Variants in ARHGAP24 observed in about 807,000 individuals in gnomAD.
The protein encoded by ARHGAP24 is rho GTPase-activating protein 24.
A neutral mutation model predicts 76.4 loss-of-function variants in ARHGAP24; 50 were observed. The ratio of observed to expected loss-of-function variants is 0.65; its 90% CI spans 0.52 to 0.83. The LOEUF (loss-of-function observed/expected upper bound fraction) is 0.83, where lower values mean the gene tolerates loss of function less well. Among genes scored for constraint, ARHGAP24 ranks in the 40% least tolerant of loss-of-function variants. The pLI is 0.00. For synonymous variants in ARHGAP24, 345 were observed against 323.3 expected (o/e 1.07, Z -0.72); for missense variants, 930 against 914.2 (o/e 1.02, Z -0.22).
intron 2 of ARHGAP24, among the ~76,000 whole-genome samples, chr4:85,634,804 T>C (rs1398682967): frequency 6.6e-6 from 1 of 151,872 alleles, no homozygotes; most frequent in Non-Finnish European, 1.5e-5. Context: ...TGCTTAGAAT[T>C]ATTGCCACCC....
chr4:85,967,039 T>A (rs2148847155), intron 5 of ARHGAP24, among the ~76,000 whole-genome samples: 1 of 152,246 alleles, frequency 6.6e-6, no homozygotes, highest in Non-Finnish European at 1.5e-5. Flanking sequence ...TGTGTAAGTA[T>A]GTTTATGAGG....
At chr4:85,969,206 A>G (rs1459983163) in intron 5 of ARHGAP24, among the ~76,000 whole-genome samples, 4 of 152,142 alleles carry the variant, frequency 2.6e-5, no homozygotes, top group Admixed American at 2.6e-4. Context: ...TCAATACCAT[A>G]GTTTATAAAA....
At chr4:85,890,999 A>G (rs1188782861) in intron 3 of ARHGAP24, among the ~76,000 whole-genome samples, 2 of 152,154 alleles carry the variant, frequency 1.3e-5, no homozygotes, top group African/African-American at 2.4e-5. Context: ...GATGGATGAT[A>G]TTAGAGACGG....
intron 8 of ARHGAP24, chr4:85,990,350 A>T (rs1265673108): frequency 6.6e-6 from 1 of 151,824 alleles, no homozygotes; most frequent in Non-Finnish European, 1.5e-5. Flanking sequence ...TAAGCTATTA[A>T]TTTTTCTAAA....
intron 2 of ARHGAP24, among the ~76,000 whole-genome samples, chr4:85,675,549 A>G (rs1292822455): frequency 6.6e-6 from 1 of 152,164 alleles, no homozygotes; most frequent in East Asian, 1.9e-4. Context: ...TTTATGGATA[A>G]CCTTCTAACA....
At chr4:85,650,901 G>A (rs7655020) in intron 2 of ARHGAP24, among the ~76,000 whole-genome samples, 53,332 of 148,944 alleles carry the variant, frequency 0.36, 12,030 homozygotes, top group East Asian at 0.84. Flanking sequence ...ATTGGGCATT[G>A]GCAATTAGCC....
intron 2 of ARHGAP24, among the ~76,000 whole-genome samples, chr4:85,651,365 A>G (rs1411381855): frequency 2.0e-5 from 3 of 149,310 alleles, no homozygotes; most frequent in Non-Finnish European, 4.4e-5. Context: ...AAATGTGAAT[A>G]GATTTATGAA....
chr4:85,999,794 G>A (rs2148875890), intron 9 of ARHGAP24: 1 of 152,276 alleles, frequency 6.6e-6, no homozygotes, highest in South Asian at 2.1e-4. Context: ...AATTTATAGA[G>A]ATATAAAATA....
chr4:85,534,954 C>G (rs969904179), intron 1 of ARHGAP24, among the ~76,000 whole-genome samples: 1 of 145,840 alleles, frequency 6.9e-6, no homozygotes, highest in African/African-American at 2.5e-5. Flanking sequence ...AGAAAGAAAA[C>G]AGAAACAAAA....
intron 5 of ARHGAP24, among the ~76,000 whole-genome samples, chr4:85,950,145 C>A (rs1441758358): frequency 6.6e-6 from 1 of 152,016 alleles, no homozygotes; most frequent in Non-Finnish European, 1.5e-5. Context: ...AGAAGAATAG[C>A]AAGTGCAAAG....
intron 3 of ARHGAP24, among the ~76,000 whole-genome samples, chr4:85,914,159 T>C (rs1003506797): frequency 2.0e-5 from 3 of 152,198 alleles, no homozygotes; most frequent in African/African-American, 7.2e-5. Flanking sequence ...AGATAAGTTA[T>C]ATGATCCATA....
At chr4:85,923,335 C>T (rs1213805617) in intron 3 of ARHGAP24, among the ~76,000 whole-genome samples, 2 of 152,154 alleles carry the variant, frequency 1.3e-5, no homozygotes, top group African/African-American at 4.8e-5. Context: ...TGCTGTTTCT[C>T]CCTATTCAGC....
chr4:85,575,350 C>T (rs1253648039), intron 2 of ARHGAP24, among the ~76,000 whole-genome samples: 3 of 152,158 alleles, frequency 2.0e-5, no homozygotes, highest in Non-Finnish European at 2.9e-5. Context: ...TCACAGGCCA[C>T]TACTATAAAC....
chr4:85,629,831 T>G (rs1415520661), intron 2 of ARHGAP24, among the ~76,000 whole-genome samples: 1 of 151,966 alleles, frequency 6.6e-6, no homozygotes, highest in Non-Finnish European at 1.5e-5. Context: ...TCTCTTTATA[T>G]TTAATCTATT....
In ARHGAP24 at chr4:85,995,197, A is replaced by T; in HGVS notation, c.1543A>T (p.Lys515Ter). ...TGGCTATGTGACCCTGAGGGATAAC[A>T]AGCAGAAAGAACAAGCTGGAGAGTT... The part of the protein sequence containing the change: ...PNGYVTLRDN[K>*]QKEQAGELGQ... The change falls in exon 9 of 10, where the codon AAG becomes TAG. Residue 515 changes from lysine to a stop codon, truncating the protein, a stop_gained. Transcript: ENST00000395184. LOFTEE classifies it high-confidence loss of function. 1 of 1,613,996 alleles carries T rather than the reference A, an allele frequency of 6.2e-7. No individual in the cohort carries two copies. The highest frequency in any genetic ancestry group is 8.5e-7 in the Non-Finnish European group (1 of 1,180,008).
At chr4:85,509,977 A>G (rs543221724) in intron 1 of ARHGAP24, among the ~76,000 whole-genome samples, 202 of 152,292 alleles carry the variant, frequency 1.3e-3, no homozygotes, top group African/African-American at 4.7e-3. Flanking sequence ...ATGCGCCTCC[A>G]TATGGATGCC....
At chr4:85,680,962 T>G (rs1723181621) in intron 2 of ARHGAP24, among the ~76,000 whole-genome samples, 1 of 151,986 alleles carries the variant, frequency 6.6e-6, no homozygotes, top group Admixed American at 6.6e-5. Context: ...GACAAATTTA[T>G]AGAGAGAATT....
At chr4:85,538,916 A>G (rs1725575384) in intron 1 of ARHGAP24, among the ~76,000 whole-genome samples, 1 of 152,230 alleles carries the variant, frequency 6.6e-6, no homozygotes, top group South Asian at 2.1e-4. Context: ...ATTCCAATTT[A>G]CTTTACATTA....
intron 5 of ARHGAP24, among the ~76,000 whole-genome samples, chr4:85,968,269 G>T (rs13118404): frequency 6.6e-6 from 1 of 151,900 alleles, no homozygotes; most frequent in Admixed American, 6.6e-5. Context: ...CTACTCATTG[G>T]CCTTCAGTGA....
Sources: allele counts gnomAD v4.1 joint callset (sites outside exome capture counted in the v4.1 genomes callset), GRCh38; gene constraint gnomAD v4.1.1; transcripts MANE v1.5; gene names NCBI Gene and HGNC (gene_info 2026-07-23, HGNC 2026-07-21).